The following SERPINB7 variants were observed in gnomAD, a reference collection of about 807,000 sequenced individuals.
SERPINB7 encodes serpin family B member 7, also known as serpin B7.
In SERPINB7, 31 loss-of-function variants were observed where a neutral mutation model predicts 37.4. The ratio of observed to expected loss-of-function variants is 0.83; its 90% CI spans 0.62 to 1.12. SERPINB7 has a LOEUF of 1.12. Ranked by LOEUF, SERPINB7 falls within the 50% of genes most tolerant of loss-of-function variation. The pLI, the probability that SERPINB7 is intolerant of heterozygous loss-of-function variation, is 0.00. For missense variants in SERPINB7, 521 were observed against 455.3 expected, an observed-to-expected ratio of 1.14 and a Z score of -1.31; for synonymous variants, 163 against 166.1, an observed-to-expected ratio of 0.98 and a Z score of 0.14.
chr18:63,782,507 C>T lies in SERPINB7; in HGVS notation c.135C>T (p.Gly45=), dbSNP rs560338179. Residue 45 remains glycine (G), a synonymous_variant, in exon 2 of 8, where the codon GGC becomes GGT. Transcript: ENST00000398019. ...LFAALALVRL[G]AQDDSLSQID... ...CTGCCCTGGCCCTGGTCCGCTTGGG[C>T]GCTCAAGATGACTCCCTCTCTCAGA... The T allele has an allele frequency of 3.8e-5, 62 of 1,613,300 alleles. No individual in the cohort carries two copies. The East Asian group carries it at 7.4e-4, about 19-fold the overall frequency.
At chr18:63,788,300 C>T (rs2049393367) in intron 2 of SERPINB7, among the ~76,000 whole-genome samples, 1 of 152,138 alleles carries the variant, frequency 6.6e-6, no homozygotes, top group African/African-American at 2.4e-5. Context: ...ACAATCCTGA[C>T]TCTGTGTAGG....
chr18:63,788,236 G>T (rs1178774456), intron 2 of SERPINB7, among the ~76,000 whole-genome samples: 3 of 152,204 alleles, frequency 2.0e-5, no homozygotes, highest in African/African-American at 7.2e-5. Context: ...GCGTGGTAAT[G>T]CTCCGAAGAC....
At chr18:63,801,513 G>T (rs2049549083) in intron 7 of SERPINB7, among the ~76,000 whole-genome samples, 1 of 152,178 alleles carries the variant, frequency 6.6e-6, no homozygotes. Context: ...GAGTTTAATT[G>T]ATGCAAGGCC....
intron 1 of SERPINB7, among the ~76,000 whole-genome samples, chr18:63,780,465 A>G (rs1040200313): frequency 6.6e-6 from 1 of 152,070 alleles, no homozygotes; most frequent in African/African-American, 2.4e-5. Flanking sequence ...TGCTAGTATC[A>G]CTCACTGTAT....
intron 4 of SERPINB7, 137 bp downstream of exon 4, chr18:63,793,414 T>C: frequency 2.2e-6 from 1 of 464,810 alleles, no homozygotes; most frequent in Non-Finnish European, 3.9e-6. Context: ...TCAGATGTCT[T>C]GAATATATCA....
chr18:63,804,582 G>C lies in SERPINB7; in HGVS notation c.1090G>C (p.Val364Leu). The C allele has an allele frequency of 6.2e-7, 1 of 1,613,072 alleles. No individual in the cohort carries two copies. The highest frequency in any genetic ancestry group is 8.5e-7 in the Non-Finnish European group (1 of 1,179,574). ...LFRADHPFLFVIRKDDIILFS... is the reference protein window; with the variant it reads ...LFRADHPFLFLIRKDDIILFS... ...TAGAGCTGACCACCCATTCCTATTT[G>C]TTATCAGGAAGGATGACATCATCTT... The change falls in exon 8 of 8, where the codon GTT becomes CTT. Residue 364 changes from valine to leucine, a missense_variant. Val to Leu is a conservative substitution (Grantham distance 32). Coordinates refer to ENST00000398019, the MANE Select transcript of SERPINB7 (RefSeq NM_003784.4).
Position 63,793,189 on chromosome 18 carries a change from T to C in SERPINB7, c.248T>C (p.Val83Ala). The C allele has an allele frequency of 1.9e-6, 3 of 1,588,734 alleles. No individual in the cohort carries two copies. The highest frequency in any genetic ancestry group is 2.6e-6 in the Non-Finnish European group (3 of 1,166,724). The change falls in exon 4 of 8, where the codon GTT (valine) becomes GCT (alanine). Residue 83 changes from valine to alanine, a missense_variant. Physicochemically the swap from Val to Ala is moderately conservative, Grantham distance 64. Coordinates refer to ENST00000398019, the MANE Select transcript of SERPINB7 (RefSeq NM_003784.4). ...QSGLQSQLKR[V>A]FSDINASHKD... is the part of the protein sequence containing the mutation. Reference sequence around the variant, plus strand: ...GGGCTCCAGTCTCAACTGAAAAGAGTTTTTTCTGATATAAATGCATCCCAC... The same window carrying C: ...GGGCTCCAGTCTCAACTGAAAAGAGCTTTTTCTGATATAAATGCATCCCAC...
At position 63,755,862 on chromosome 18, in the gene SERPINB7, C is replaced by T. The variant is rs555131266; in HGVS notation, c.-19+2742C>T. 3.9e-4 allele frequency among the ~76,000 whole-genome samples: 60 copies of T among 152,162 alleles called. 1 individual carries two copies. The South Asian group carries it at 0.01, about 26-fold the overall frequency. On this transcript the variant is annotated intron_variant, in intron 1 of 7. Coordinates refer to the SERPINB7 transcript ENST00000336429. ...TGAGCTGTGATGATGCCACTGTGCC[C>T]CAGCCTAGGTAACAAAGTGAGACCC...
intron 2 of SERPINB7, among the ~76,000 whole-genome samples, chr18:63,786,092 A>G (rs1179824220): frequency 7.8e-6 from 1 of 127,394 alleles, no homozygotes; most frequent in Non-Finnish European, 1.5e-5. Context: ...ATATACATAT[A>G]ATATAAGTAT....
At chr18:63,786,144 C>CGTATAT (rs1181124480) in intron 2 of SERPINB7, among the ~76,000 whole-genome samples, 16,979 of 89,492 alleles carry the variant, frequency 0.19, 2,606 homozygotes, top group Middle Eastern at 0.36. Flanking sequence ...TACATATATA[C>CGTATAT]ACACACACAC....
At chr18:63,787,359 T>TA (rs1344633641) in intron 2 of SERPINB7, among the ~76,000 whole-genome samples, 1 of 152,182 alleles carries the variant, frequency 6.6e-6, no homozygotes, top group African/African-American at 2.4e-5. Flanking sequence ...CACTTCTGTT[T>TA]ACTAAGATTC....
intron 1 of SERPINB7, among the ~76,000 whole-genome samples, chr18:63,769,756 C>T (rs147234023): frequency 1.3e-5 from 2 of 152,176 alleles, no homozygotes; most frequent in East Asian, 3.9e-4. Flanking sequence ...AGCTTTTGCT[C>T]TATTGATTCT....
intron 1 of SERPINB7, among the ~76,000 whole-genome samples, chr18:63,781,376 A>C (rs1325930246): frequency 6.6e-6 from 1 of 152,254 alleles, no homozygotes; most frequent in Non-Finnish European, 1.5e-5. Context: ...ACTATTAGCA[A>C]CAGGGTTGAG....
At chr18:63,761,044 A>G (rs2049150746) in intron 1 of SERPINB7, among the ~76,000 whole-genome samples, 1 of 152,188 alleles carries the variant, frequency 6.6e-6, no homozygotes, top group African/African-American at 2.4e-5. Flanking sequence ...AGATCCACTG[A>G]CAGCTTGTAC....
intron 1 of SERPINB7, among the ~76,000 whole-genome samples, chr18:63,766,098 C>G (rs73469952): frequency 6.6e-6 from 1 of 152,124 alleles, no homozygotes; most frequent in East Asian, 1.9e-4. Flanking sequence ...GGGCACCTAA[C>G]AACTGTGTAA....
At chr18:63,760,821 G>T (rs1425370361) in intron 1 of SERPINB7, among the ~76,000 whole-genome samples, 3 of 152,212 alleles carry the variant, frequency 2.0e-5, no homozygotes, top group Non-Finnish European at 2.9e-5. Flanking sequence ...ATTGAGGTTT[G>T]GGAACCTCTG....
chr18:63,776,121 C>T (rs1403285323), intron 1 of SERPINB7, among the ~76,000 whole-genome samples: 2 of 152,062 alleles, frequency 1.3e-5, no homozygotes, highest in African/African-American at 4.8e-5. Flanking sequence ...ATACACAATG[C>T]GCCATGACCC....
At position 63,796,261 on chromosome 18, in the gene SERPINB7, T is replaced by C. The variant is rs768412005; in HGVS notation, c.337-5T>C. 1 of 1,526,880 alleles carries C rather than the reference T, an allele frequency of 6.5e-7. No individual in the cohort carries two copies. The highest frequency in any genetic ancestry group is 1.1e-5 in the South Asian group (1 of 88,400). The allele number at this position is 1,526,880 out of a possible 1,614,324, so 94.6% of individuals were successfully genotyped here. Reference sequence around the variant, plus strand: ...TAAATACGAGAACTATATTCTTCTTTATAGGACTACATTGAGTGTGCCGAA... The same window carrying C: ...TAAATACGAGAACTATATTCTTCTTCATAGGACTACATTGAGTGTGCCGAA... On this transcript the variant is annotated splice_polypyrimidine_tract_variant and splice_region_variant and intron_variant, in intron 4 of 7. Transcript: ENST00000398019.
At chr18:63,783,218 GAGAGAGAGAGAGAGAGAAAGAA>G (rs1245800129) in intron 2 of SERPINB7, among the ~76,000 whole-genome samples, 18 of 71,146 alleles carry the variant, frequency 2.5e-4, no homozygotes, top group East Asian at 1.2e-3. Context: ...GAGAGAGAGA[GAGAGAGAGAGAGAGAGAAAGAA>G]AGAAAGAAAG....
Sources: allele counts gnomAD v4.1 joint callset (sites outside exome capture counted in the v4.1 genomes callset), GRCh38; gene constraint gnomAD v4.1.1; transcripts MANE v1.5; gene names NCBI Gene and HGNC (gene_info 2026-07-23, HGNC 2026-07-21).